The following PTPRB variants were observed in gnomAD, a reference collection of about 807,000 sequenced individuals.
PTPRB encodes the protein receptor-type tyrosine-protein phosphatase beta.
PTPRB carries 97 observed loss-of-function variants against 238.1 expected under a neutral mutation model. The ratio of observed to expected loss-of-function variants is 0.41; its 90% confidence interval spans 0.35 to 0.48. PTPRB has a LOEUF of 0.48. PTPRB is among the 20% of genes least tolerant of loss of function. The pLI is 0.30. For synonymous variants in PTPRB, 970 were observed against 995.4 expected, an observed-to-expected ratio of 0.97 and a Z score of 0.48; for missense variants, 2,292 against 2,681.9, an observed-to-expected ratio of 0.85 and a Z score of 3.21.
chr12:70,577,871 G>A (rs1362554814), intron 10 of PTPRB, among the ~76,000 whole-genome samples: 2 of 151,964 alleles, frequency 1.3e-5, no homozygotes, highest in African/African-American at 4.8e-5. Flanking sequence ...TTTATATATT[G>A]GTACATCTCT....
chr12:70,562,977 C>T lies in PTPRB; in HGVS notation c.4035G>A (p.Gln1345=), dbSNP rs763273596. Residue 1345 remains glutamine, a synonymous_variant, in exon 16 of 34, where the codon CAG becomes CAA. Transcript: ENST00000334414. The part of the protein sequence containing the change: ...IFLYNPDGNL[Q]ERAQVDPLVQ... ...CTAGTGGGTCAACTTGAGCTCTCTC[C>T]TGGAGATTCCCATCTGGGTTGTACA... 6 of 1,613,918 alleles carry T rather than the reference C, an allele frequency of 3.7e-6. No individual in the cohort carries two copies. Among genetic ancestry groups the T allele is most frequent in the Non-Finnish European group, 5.1e-6 (6 of 1,179,904 alleles).
Position 70,548,624 on chromosome 12 carries a change from A to G in PTPRB, c.5388-3961T>C, listed in dbSNP as rs186381398. Reference sequence around the variant, plus strand: ...TAAAAAGGACCTTTAGGAAGGAGATAATTACCTAGTATAGGTTCAGCTTAA... The same window carrying G: ...TAAAAAGGACCTTTAGGAAGGAGATGATTACCTAGTATAGGTTCAGCTTAA... On this transcript the variant is annotated intron_variant, in intron 21 of 33. Coordinates refer to ENST00000334414, the MANE Select transcript of PTPRB (RefSeq NM_001109754.4). Among the ~76,000 whole-genome samples the G allele has an allele frequency of 1.7e-3, 266 of 152,284 alleles. 1 individual carries two copies. Among genetic ancestry groups the G allele is most frequent in the African/African-American group, 5.7e-3 (237 of 41,564 alleles).
intron 3 of PTPRB, among the ~76,000 whole-genome samples, chr12:70,614,214 C>T (rs1884583049): frequency 6.6e-6 from 1 of 152,126 alleles, no homozygotes; most frequent in Non-Finnish European, 1.5e-5. Flanking sequence ...TTTTAATAGG[C>T]CTTCCAGTAC....
In PTPRB at chr12:70,523,401, AT is replaced by A. The variant is rs138400521; in HGVS notation, c.6625+1069del. Among the ~76,000 whole-genome samples, 33 of 150,466 alleles carry A rather than the reference AT, an allele frequency of 2.2e-4. No homozygotes were observed. The East Asian group carries it at 2.5e-3, about 12-fold the overall frequency. On this transcript the variant is annotated intron_variant, in intron 33 of 33. Coordinates refer to ENST00000334414, the MANE Select transcript of PTPRB (RefSeq NM_001109754.4). ...TTAGCTACAAAAAGCTTCATGCATA[AT>A]TTTTTTTTTGTTTTGTATATAGTGT...
chr12:70,530,418 T>C (rs562056563), intron 32 of PTPRB, among the ~76,000 whole-genome samples: 1 of 152,308 alleles, frequency 6.6e-6, no homozygotes, highest in East Asian at 1.9e-4. Flanking sequence ...CATACAAATG[T>C]ACACATATAG....
chr12:70,618,539 A>G (rs758329444), intron 3 of PTPRB, among the ~76,000 whole-genome samples: 4 of 151,964 alleles, frequency 2.6e-5, no homozygotes, highest in Non-Finnish European at 5.9e-5. Flanking sequence ...AGATATCACC[A>G]CTGGGATTTA....
At chr12:70,533,205 T>TAAC (rs1016042568) in intron 31 of PTPRB, among the ~76,000 whole-genome samples, 2 of 152,122 alleles carry the variant, frequency 1.3e-5, no homozygotes, top group African/African-American at 4.8e-5. Flanking sequence ...ATTTATAAGA[T>TAAC]AACAGTTCTC....
chr12:70,600,146 A>G (rs541344109), intron 4 of PTPRB, among the ~76,000 whole-genome samples: 2 of 152,338 alleles, frequency 1.3e-5, no homozygotes, highest in African/African-American at 4.8e-5. Flanking sequence ...TGTATTTGCT[A>G]TAGAAATAAA....
rs1172131014 is a variant in PTPRB, at chr12:70,590,009, C to G, written c.2005G>C (p.Glu669Gln). The G allele has an allele frequency of 6.2e-7, 1 of 1,614,022 alleles. No homozygotes were observed. The highest frequency in any genetic ancestry group is 2.2e-5 in the East Asian group (1 of 44,886). Residue 669 changes from glutamate (E) to glutamine (Q), a missense_variant, in exon 8 of 34, where the codon GAG (glutamate) becomes CAG (glutamine). Glu to Gln is a conservative substitution (Grantham distance 29, BLOSUM62 2). Around this residue, in one of 4 missense-constraint regions of PTPRB, gnomAD observed 1,205 missense variants for 1,287.8 expected, o/e 0.94. Transcript: ENST00000334414. ...GRQYEVEVIV[E>Q]SGNLKNSERC... ...TCAGAATTCTTCAAATTTCCACTCT[C>G]AACAATGACTTCCACCTCATACTGT...
intron 23 of PTPRB, chr12:70,540,654 G>T: frequency 1.8e-6 from 1 of 548,826 alleles, no homozygotes; most frequent in South Asian, 2.3e-5. Flanking sequence ...CTTTGGTAAG[G>T]GCTGAATTCA....
chr12:70,541,184 A>G (rs1323188236), intron 22 of PTPRB: 4 of 428,326 alleles, frequency 9.3e-6, no homozygotes, highest in Non-Finnish European at 1.7e-5. Flanking sequence ...GTCACTGCAT[A>G]CTTTTGAAGT....
rs958158590 is a variant in PTPRB, at chr12:70,518,034, T to G, written c.*3455A>C. ...TAAATGGTTTAATATTATTTTCACA[T>G]GTCATTTTGGGCTTTCTTCCGAGAG... On this transcript the variant is annotated 3_prime_UTR_variant, in exon 34 of 34. Coordinates refer to ENST00000334414, the MANE Select transcript of PTPRB (RefSeq NM_001109754.4). 2 of 152,340 alleles carry G rather than the reference T, an allele frequency of 1.3e-5. No homozygotes were observed. The highest frequency in any genetic ancestry group is 2.9e-5 in the Non-Finnish European group (2 of 68,030). 9.4% of individuals were successfully genotyped at this position (152,340 alleles called of 1,614,324 possible).
chr12:70,576,678 GGGGGA>G lies in PTPRB; in HGVS notation c.2579-38_2579-34del, dbSNP rs760089530. The stretch of plus-strand genomic sequence containing the variant: ...TTTGAAAGGTGGGGGGCGGGGGGGG[GGGGGA>G]AGGGGGATTCAAAAAGAAAGACACA... On this transcript the variant is annotated intron_variant, in intron 10 of 33. Coordinates refer to ENST00000334414, the MANE Select transcript of PTPRB (RefSeq NM_001109754.4). 1.4e-4 allele frequency: 32 copies of G among 233,506 alleles called. 1 individual carries two copies. Among genetic ancestry groups the G allele is most frequent in the African/African-American group, 1.2e-3 (31 of 25,928 alleles). 14.5% of individuals were successfully genotyped at this position (233,506 alleles called of 1,614,324 possible). A position where few individuals can be genotyped will look rare whatever the true frequency, so the allele number is the denominator to read the frequency against.
rs145147292 is a variant in PTPRB, at chr12:70,624,091, C to T, written c.452-1445G>A. The stretch of plus-strand genomic sequence containing the variant: ...AAAGGGTTGTGCAAAGTACCCTGAA[C>T]ATAAGGTCGATGGATTTAGCAAATA... On this transcript the variant is annotated intron_variant, in intron 2 of 33. Coordinates refer to ENST00000334414, the MANE Select transcript of PTPRB (RefSeq NM_001109754.4). 5.9e-5 allele frequency among the ~76,000 whole-genome samples: 9 copies of T among 152,242 alleles called. No homozygotes were observed. In the East Asian group the frequency reaches 1.7e-3, roughly 29 times the overall value.
intron 1 of PTPRB, 146 bp from the exon 2 acceptor site, chr12:70,636,212 A>G: frequency 2.4e-6 from 2 of 843,674 alleles, no homozygotes; most frequent in Non-Finnish European, 3.4e-6. Context: ...GAACATTCTC[A>G]TATTTAACAC....
chr12:70,552,888 G>A lies in PTPRB; in HGVS notation c.5276C>T (p.Ser1759Phe). ...TCCAAGCTTAATGTTAAAACTCTTG[G>A]AGTTGCTGTTAGGATTTTCGGCACA... ...SKCAENPNSN[S>F]KSFNIKLGAE... Residue 1759 changes from serine to phenylalanine, a missense_variant, in exon 21 of 34, where the codon TCC becomes TTC. Transcript: ENST00000334414. The A allele has an allele frequency of 6.2e-7, 1 of 1,613,984 alleles. No homozygotes were observed. Among genetic ancestry groups the A allele is most frequent in the South Asian group, 1.1e-5 (1 of 91,084 alleles).
intron 7 of PTPRB, chr12:70,592,030 G>T: frequency 1.8e-6 from 1 of 542,976 alleles, no homozygotes; most frequent in Non-Finnish European, 3.3e-6. Flanking sequence ...CAATGCTAAT[G>T]CATTTATGCT....
chr12:70,626,979 G>A (rs1289808120), intron 2 of PTPRB, among the ~76,000 whole-genome samples: 1 of 151,970 alleles, frequency 6.6e-6, no homozygotes, highest in African/African-American at 2.4e-5. Context: ...ATTAATAAAT[G>A]GAAATTGATA....
chr12:70,522,782 G>A (rs1409925279), intron 33 of PTPRB, among the ~76,000 whole-genome samples: 5 of 150,326 alleles, frequency 3.3e-5, no homozygotes, highest in East Asian at 1.9e-4. Flanking sequence ...TTCCTTATGC[G>A]TTGTTTTTGT....
Sources: gnomAD v4.1 joint callset for allele counts (sites outside exome capture counted in the v4.1 genomes callset) on GRCh38, gnomAD v4.1.1 for gene constraint, gnomAD v4.1.1 regional missense constraint, MANE v1.5 for transcripts, NCBI Gene and HGNC (gene_info 2026-07-23, HGNC 2026-07-21) for gene names.